CPS1: variants seen among roughly 807,000 people sequenced by gnomAD.
CPS1 encodes the protein carbamoyl-phosphate synthase 1.
CPS1 carries 109 observed loss-of-function variants against 174.6 expected under a neutral mutation model. The observed-to-expected ratio is 0.62, with a 90% CI of 0.53 to 0.73. The LOEUF (loss-of-function observed/expected upper bound fraction) is 0.73, where lower values mean the gene tolerates loss of function less well. Among genes scored for constraint, CPS1 ranks in the 30% least tolerant of loss-of-function variants. The pLI is 0.00. For missense variants in CPS1, 1,689 were observed against 1,821.9 expected (o/e 0.93, Z 1.33); for synonymous variants, 637 against 632.0 (o/e 1.01, Z -0.12).
chr2:210,549,206 G>C (rs895842091), intron 1 of CPS1, among the ~76,000 whole-genome samples: 6 of 151,916 alleles, frequency 3.9e-5, no homozygotes, highest in Non-Finnish European at 5.9e-5. Flanking sequence ...TCACAGCTAG[G>C]GTTGCTCTTT....
At chr2:210,661,181 A>G (rs1258499034) in intron 32 of CPS1, among the ~76,000 whole-genome samples, 2 of 152,168 alleles carry the variant, frequency 1.3e-5, no homozygotes, top group Admixed American at 6.5e-5. Context: ...ACACCTTTAT[A>G]AAGAGTGACC....
At chr2:210,545,300 C>T (rs376027101) in intron 1 of CPS1, among the ~76,000 whole-genome samples, 5 of 151,928 alleles carry the variant, frequency 3.3e-5, no homozygotes, top group African/African-American at 7.3e-5. Context: ...AAAGAAGGAA[C>T]GGTGGTGAGC....
At chr2:210,613,491 A>G (rs534075950) in intron 20 of CPS1, among the ~76,000 whole-genome samples, 6 of 151,760 alleles carry the variant, frequency 4.0e-5, no homozygotes, top group Admixed American at 3.3e-4. Flanking sequence ...TTAGAAAGCC[A>G]TTTCACCTTC....
At chr2:210,579,671 A>G (rs1388730025) in intron 4 of CPS1, 43 bp from the exon 5 acceptor site, 1 of 1,479,312 alleles carries the variant, frequency 6.8e-7, no homozygotes, top group Admixed American at 1.7e-5. Context: ...TGCTGGATTT[A>G]ATCTCCTCCA....
At chr2:210,534,543 A>G (rs1177577757) in intron 1 of CPS1, among the ~76,000 whole-genome samples, 3 of 152,210 alleles carry the variant, frequency 2.0e-5, no homozygotes, top group Non-Finnish European at 2.9e-5. Context: ...ACTTGAAAGT[A>G]TCTTAGAAGG....
chr2:210,590,375 G>A, intron 8 of CPS1, 141 bp downstream of exon 8: 1 of 1,270,916 alleles, frequency 7.9e-7, no homozygotes, highest in South Asian at 1.2e-5. Flanking sequence ...AGTGTCAGTA[G>A]AGATATTCTG....
chr2:210,678,863 A>C lies in CPS1; in HGVS notation c.*878A>C, dbSNP rs572599114. 6.6e-6 allele frequency: 1 copy of C among 151,780 alleles called. No homozygotes were observed. The highest frequency in any genetic ancestry group is 2.4e-5 in the African/African-American group (1 of 41,384). The allele number at this position is 151,780 out of a possible 1,614,324, so 9.4% of individuals were successfully genotyped here. On this transcript the variant is annotated 3_prime_UTR_variant, in exon 38 of 38. Transcript: ENST00000233072. ...AAATAATCAGATTTTTGTCATTCACACTCTCCCCCAGTTTTGGAATAACTT... is the reference window on the plus strand; with the variant it reads ...AAATAATCAGATTTTTGTCATTCACCCTCTCCCCCAGTTTTGGAATAACTT...
chr2:210,515,807 T>A (rs1695667668), intron 1 of CPS1, among the ~76,000 whole-genome samples: 1 of 151,942 alleles, frequency 6.6e-6, no homozygotes, highest in Non-Finnish European at 1.5e-5. Flanking sequence ...TAATTTGAGA[T>A]CTTTCTAGCT....
intron 5 of CPS1, among the ~76,000 whole-genome samples, chr2:210,581,369 T>G (rs940179708): frequency 1.3e-5 from 2 of 152,162 alleles, no homozygotes; most frequent in Non-Finnish European, 2.9e-5. Context: ...GTTTTCAAAA[T>G]TGGCGGAATA....
At chr2:210,483,331 T>C (rs1694628201) in intron 1 of CPS1, among the ~76,000 whole-genome samples, 1 of 152,218 alleles carries the variant, frequency 6.6e-6, no homozygotes, top group South Asian at 2.1e-4. Flanking sequence ...AAGACTTTAC[T>C]GTAGGATAGG....
At chr2:210,585,140 G>C (rs1698063145) in intron 6 of CPS1, among the ~76,000 whole-genome samples, 1 of 151,978 alleles carries the variant, frequency 6.6e-6, no homozygotes, top group Admixed American at 6.6e-5. Context: ...TTGGCTCTTT[G>C]AGGGGAGAGG....
intron 1 of CPS1, among the ~76,000 whole-genome samples, chr2:210,504,155 C>A (rs1695218278): frequency 6.6e-6 from 1 of 152,120 alleles, no homozygotes; most frequent in African/African-American, 2.4e-5. Context: ...GTGACATATA[C>A]TGATGGGTCA....
At chr2:210,595,439 TC>T (rs1396473499) in intron 12 of CPS1, 47 bp from the exon 13 acceptor site, 1 of 1,317,814 alleles carries the variant, frequency 7.6e-7, no homozygotes, top group Non-Finnish European at 1.1e-6. Context: ...ATGCCTTATT[TC>T]CCCCATTTTA....
rs752851052 is a variant in CPS1, at chr2:210,599,373, AAG to A, written c.1363_1364del (p.Glu455LysfsTer18). On this transcript the variant is annotated frameshift_variant and splice_region_variant, in exon 14 of 38. Coordinates refer to ENST00000233072, the MANE Select transcript of CPS1 (RefSeq NM_001875.5). LOFTEE classifies it high-confidence loss of function. Reference sequence around the variant, plus strand: ...ACTGGATTCTTTTGTTTCTTTCAGGAAGAAAATGTCAAAACTGTTCTGATGAA... The same window carrying A: ...ACTGGATTCTTTTGTTTCTTTCAGGAAAAATGTCAAAACTGTTCTGATGAA... 1 of 1,612,034 alleles carries A rather than the reference AAG, an allele frequency of 6.2e-7. No individual in the cohort carries two copies. The highest frequency in any genetic ancestry group is 1.7e-5 in the Admixed American group (1 of 59,782).
At chr2:210,614,682 C>T (rs1699241858) in intron 20 of CPS1, among the ~76,000 whole-genome samples, 1 of 151,940 alleles carries the variant, frequency 6.6e-6, no homozygotes, top group African/African-American at 2.4e-5. Context: ...GGCACATATA[C>T]ACCATGGAAT....
chr2:210,556,892 A>G (rs1405077534), intron 1 of CPS1, 33 bp downstream of exon 1: 2 of 1,610,034 alleles, frequency 1.2e-6, no homozygotes, highest in Admixed American at 1.7e-5. Context: ...CTGATAAAAT[A>G]CTATGGGGTA....
intron 33 of CPS1, among the ~76,000 whole-genome samples, chr2:210,665,045 A>G (rs1403269733): frequency 6.6e-6 from 1 of 152,218 alleles, no homozygotes; most frequent in Non-Finnish European, 1.5e-5. Context: ...GGTTCTGTAG[A>G]AAATTTTTAA....
chr2:210,594,409 T>C, intron 11 of CPS1, 99 bp from the exon 12 acceptor site: 1 of 784,712 alleles, frequency 1.3e-6, no homozygotes, highest in Non-Finnish European at 2.1e-6. Context: ...AATTATTTGT[T>C]GCTTATCTGA....
At chr2:210,640,802 A>G (rs1700198421) in intron 24 of CPS1, among the ~76,000 whole-genome samples, 1 of 152,236 alleles carries the variant, frequency 6.6e-6, no homozygotes, top group African/African-American at 2.4e-5. Flanking sequence ...GCTTCAGGAT[A>G]TGTTAGTTTA....
Sources: allele counts gnomAD v4.1 joint callset (sites outside exome capture counted in the v4.1 genomes callset), GRCh38; gene constraint gnomAD v4.1.1; transcripts MANE v1.5; gene names NCBI Gene and HGNC (gene_info 2026-07-23, HGNC 2026-07-21).